Variants in SLC35F1 observed in about 807,000 individuals in gnomAD.
The protein encoded by SLC35F1 is solute carrier family 35 member F1, also known as chromosome 6 open reading frame 169.
In SLC35F1, 14 loss-of-function variants were observed where a neutral mutation model predicts 48.7. That is an observed-to-expected ratio of 0.29 (90% confidence interval 0.19 to 0.45). The LOEUF (loss-of-function observed/expected upper bound fraction) is 0.45. Among genes scored for constraint, SLC35F1 ranks in the 20% least tolerant of loss-of-function variants. SLC35F1 has a pLI of 1.00. For missense variants in SLC35F1, 404 were observed against 500.0 expected (o/e 0.81, Z 1.83); for synonymous variants, 190 against 202.2 (o/e 0.94, Z 0.51).
intron 1 of SLC35F1, among the ~76,000 whole-genome samples, chr6:118,002,687 C>T (rs1365702327): frequency 6.6e-6 from 1 of 151,658 alleles, no homozygotes; most frequent in Non-Finnish European, 1.5e-5. Context: ...GTCATATCGA[C>T]CCTTTCTCAG....
chr6:118,039,799 G>GTTTTTTTTTTTTTTTTTTTTTTTTTTTTT (rs149879230), intron 1 of SLC35F1, among the ~76,000 whole-genome samples: 4 of 106,854 alleles, frequency 3.7e-5, no homozygotes, highest in Non-Finnish European at 3.9e-5. Flanking sequence ...TCTCAGGATT[G>GTTTTTTTTTTTTTTTTTTTTTTTTTTTTT]TTTTTTTTGT....
At chr6:117,923,228 C>G (rs1403132386) in intron 1 of SLC35F1, among the ~76,000 whole-genome samples, 1 of 152,100 alleles carries the variant, frequency 6.6e-6, no homozygotes, top group East Asian at 1.9e-4. Flanking sequence ...TATGTATAGT[C>G]TTTCTTCTTA....
At chr6:118,078,101 T>C (rs1772848894) in intron 1 of SLC35F1, among the ~76,000 whole-genome samples, 1 of 152,184 alleles carries the variant, frequency 6.6e-6, no homozygotes, top group Non-Finnish European at 1.5e-5. Context: ...TCACCTCAAA[T>C]GCATAACACA....
At chr6:118,254,473 G>T (rs746121104) in intron 3 of SLC35F1, among the ~76,000 whole-genome samples, 1 of 151,906 alleles carries the variant, frequency 6.6e-6, no homozygotes, top group East Asian at 1.9e-4. Context: ...GTAAAGATGG[G>T]GTCTCACTTT....
At chr6:118,281,275 T>G (rs1242491239) in intron 6 of SLC35F1, among the ~76,000 whole-genome samples, 1 of 150,908 alleles carries the variant, frequency 6.6e-6, no homozygotes, top group Admixed American at 6.6e-5. Flanking sequence ...CTTCAAAGCC[T>G]TATTTCTCTT....
At chr6:118,260,492 T>C (rs1002589553) in intron 3 of SLC35F1, among the ~76,000 whole-genome samples, 2 of 152,172 alleles carry the variant, frequency 1.3e-5, no homozygotes, top group African/African-American at 4.8e-5. Flanking sequence ...TGGGTGTCTT[T>C]ATCCTAAACT....
chr6:118,107,741 G>T (rs1297144419), intron 1 of SLC35F1, among the ~76,000 whole-genome samples: 1 of 152,030 alleles, frequency 6.6e-6, no homozygotes, highest in East Asian at 1.9e-4. Context: ...ATGTGTGTGT[G>T]TCTGTGTGTG....
chr6:118,018,297 G>A (rs915143433), intron 1 of SLC35F1, among the ~76,000 whole-genome samples: 1 of 152,140 alleles, frequency 6.6e-6, no homozygotes, highest in East Asian at 1.9e-4. Context: ...CTTGAACCCG[G>A]GAGGCGGAGG....
intron 3 of SLC35F1, among the ~76,000 whole-genome samples, chr6:118,238,888 G>A (rs1180122561): frequency 6.6e-6 from 1 of 152,094 alleles, no homozygotes; most frequent in East Asian, 1.9e-4. Context: ...CTGGCATTTT[G>A]AGTGAACAGT....
At chr6:118,296,805 G>A (rs1301397747) in intron 7 of SLC35F1, among the ~76,000 whole-genome samples, 1 of 152,180 alleles carries the variant, frequency 6.6e-6, no homozygotes, top group Non-Finnish European at 1.5e-5. Flanking sequence ...ACAATGCCTG[G>A]AATGTGTTTG....
intron 1 of SLC35F1, among the ~76,000 whole-genome samples, chr6:117,977,289 C>T (rs1005959637): frequency 2.6e-5 from 4 of 151,612 alleles, no homozygotes; most frequent in South Asian, 4.2e-4. Context: ...CTCTGCCTCC[C>T]GGGTTCAAGC....
chr6:117,931,251 T>C (rs1419248123), intron 1 of SLC35F1, among the ~76,000 whole-genome samples: 1 of 152,158 alleles, frequency 6.6e-6, no homozygotes, highest in African/African-American at 2.4e-5. Context: ...GAAATATCTT[T>C]TAAAAAACTA....
intron 4 of SLC35F1, among the ~76,000 whole-genome samples, chr6:118,269,216 G>A (rs953579330): frequency 2.0e-5 from 3 of 152,230 alleles, no homozygotes; most frequent in Admixed American, 6.5e-5. Flanking sequence ...GTCTGTTAGA[G>A]AGTCTTTCCA....
At chr6:118,138,049 G>A (rs540442929) in intron 1 of SLC35F1, among the ~76,000 whole-genome samples, 12 of 152,026 alleles carry the variant, frequency 7.9e-5, no homozygotes, top group East Asian at 1.9e-4. Flanking sequence ...TGGCTCACAC[G>A]TGTATACCCA....
At chr6:118,000,634 G>C (rs980061845) in intron 1 of SLC35F1, among the ~76,000 whole-genome samples, 5 of 152,068 alleles carry the variant, frequency 3.3e-5, no homozygotes, top group African/African-American at 1.2e-4. Flanking sequence ...AAGGGTATTC[G>C]ATTAGGAAAA....
intron 1 of SLC35F1, among the ~76,000 whole-genome samples, chr6:118,048,562 A>G (rs1276543172): frequency 6.6e-6 from 1 of 152,168 alleles, no homozygotes; most frequent in Non-Finnish European, 1.5e-5. Context: ...ATTCTTATAC[A>G]CCAATAACAG....
At chr6:118,189,078 G>C (rs150547291) in intron 2 of SLC35F1, among the ~76,000 whole-genome samples, 417 of 152,052 alleles carry the variant, frequency 2.7e-3, no homozygotes, top group Non-Finnish European at 4.7e-3. Flanking sequence ...TGCCTGGCTA[G>C]TTTTTAAATT....
intron 7 of SLC35F1, among the ~76,000 whole-genome samples, chr6:118,297,148 C>T (rs906316756): frequency 6.6e-6 from 1 of 152,266 alleles, no homozygotes. Flanking sequence ...ACATTGTCCT[C>T]CCTCATTTCC....
intron 1 of SLC35F1, among the ~76,000 whole-genome samples, chr6:117,945,329 C>G (rs1040285607): frequency 6.6e-6 from 1 of 152,116 alleles, no homozygotes; most frequent in Non-Finnish European, 1.5e-5. Flanking sequence ...TATGTTTTTC[C>G]TTAAGTTATT....
Sources: gnomAD v4.1 joint callset for allele counts (sites outside exome capture counted in the v4.1 genomes callset) on GRCh38, gnomAD v4.1.1 for gene constraint, MANE v1.5 for transcripts, NCBI Gene and HGNC (gene_info 2026-07-23, HGNC 2026-07-21) for gene names.